TMEM87A: variants seen among roughly 807,000 people sequenced by gnomAD.
TMEM87A encodes transmembrane protein 87A.
A neutral mutation model predicts 90.0 loss-of-function variants in TMEM87A; 50 were observed. The ratio of observed to expected loss-of-function variants is 0.56; its 90% CI spans 0.44 to 0.70. TMEM87A has a LOEUF of 0.70. Ranked by LOEUF, TMEM87A falls within the 30% of genes least tolerant of loss-of-function variation. The pLI is 0.00. For missense variants in TMEM87A, 577 were observed against 660.5 expected, an observed-to-expected ratio of 0.87 and a Z score of 1.39; for synonymous variants, 226 against 226.7, an observed-to-expected ratio of 1.00 and a Z score of 0.03.
chr15:42,222,797 T>C (rs1297115587), intron 15 of TMEM87A, among the ~76,000 whole-genome samples: 3 of 151,494 alleles, frequency 2.0e-5, no homozygotes, highest in Non-Finnish European at 4.4e-5. Context: ...TGACCTCAGG[T>C]TGTCCACCCG....
chr15:42,243,996 A>C, intron 7 of TMEM87A, 54 bp downstream of exon 7: 1 of 1,087,144 alleles, frequency 9.2e-7, no homozygotes. Flanking sequence ...TGTAAAGTAC[A>C]TGAATGACAT....
At chr15:42,214,458 G>A (rs979958979) in intron 19 of TMEM87A, among the ~76,000 whole-genome samples, 6 of 152,052 alleles carry the variant, frequency 3.9e-5, no homozygotes, top group African/African-American at 7.2e-5. Context: ...AGAATTTAAC[G>A]GCACGTTGAA....
Position 42,264,139 on chromosome 15 carries a change from T to C in TMEM87A, c.356A>G (p.Gln119Arg), listed in dbSNP as rs754424657. 1 of 1,613,874 alleles carries C rather than the reference T, an allele frequency of 6.2e-7. No individual in the cohort carries two copies. Residue 119 changes from glutamine (Q) to arginine (R), a missense_variant, in exon 4 of 20, where the codon CAA (glutamine) becomes CGA (arginine). By Grantham distance (43) the Gln-to-Arg change is conservative. Coordinates refer to ENST00000389834, the MANE Select transcript of TMEM87A (RefSeq NM_015497.5). ...KEKRGLSGKY[Q>R]TSSKLFQNCS... The stretch of plus-strand genomic sequence containing the variant: ...GTTCTGGAACAATTTTGATGATGTT[T>C]GATATTTCCCAGACAAGCCTCTTTT...
chr15:42,244,146 T>C lies in TMEM87A; in HGVS notation c.526A>G (p.Thr176Ala), dbSNP rs769266253. ...DKTAMHEPLQ[T>A]WQDAPYIFIV... Reference sequence around the variant, plus strand: ...AAAATGTATGGTGCATCTTGCCAAGTTTGCAATGGTTCATGCATTGCCTAG... The same window carrying C: ...AAAATGTATGGTGCATCTTGCCAAGCTTGCAATGGTTCATGCATTGCCTAG... The change falls in exon 7 of 20, where the codon ACT becomes GCT. Residue 176 changes from threonine to alanine, a missense_variant. Thr to Ala is a moderately conservative substitution (Grantham distance 58). Coordinates refer to ENST00000389834, the MANE Select transcript of TMEM87A (RefSeq NM_015497.5). 1.3e-6 allele frequency: 2 copies of C among 1,569,088 alleles called. No individual in the cohort carries two copies. Among genetic ancestry groups the C allele is most frequent in the Admixed American group, 4.1e-5 (2 of 48,240 alleles).
chr15:42,222,123 C>T (rs553626999), intron 15 of TMEM87A, among the ~76,000 whole-genome samples: 64 of 152,006 alleles, frequency 4.2e-4, no homozygotes, highest in African/African-American at 1.4e-3. Flanking sequence ...TGCAATGGCG[C>T]GATCTCAGCT....
intron 4 of TMEM87A, chr15:42,262,057 C>T (rs1178333870): frequency 6.6e-6 from 1 of 152,226 alleles, no homozygotes; most frequent in Non-Finnish European, 1.5e-5. Flanking sequence ...CATTGTCCTT[C>T]CTGAGTAATG....
At chr15:42,235,165 A>C (rs1284463915) in intron 10 of TMEM87A, among the ~76,000 whole-genome samples, 1 of 152,070 alleles carries the variant, frequency 6.6e-6, no homozygotes, top group African/African-American at 2.4e-5. Flanking sequence ...CAGCCTTCCA[A>C]GTAGCTGGGA....
intron 4 of TMEM87A, among the ~76,000 whole-genome samples, chr15:42,263,575 T>C (rs1376571102): frequency 6.6e-6 from 1 of 152,126 alleles, no homozygotes; most frequent in Non-Finnish European, 1.5e-5. Context: ...TGAAATCCTG[T>C]CTCTACAGAA....
At chr15:42,226,727 T>A in intron 15 of TMEM87A, 79 bp downstream of exon 15, 4 of 1,227,286 alleles carry the variant, frequency 3.3e-6, no homozygotes, top group Non-Finnish European at 4.8e-6. Flanking sequence ...ACAGCCCTGA[T>A]ACTGTCCCCC....
intron 6 of TMEM87A, among the ~76,000 whole-genome samples, chr15:42,246,675 T>C (rs2050979366): frequency 1.3e-5 from 2 of 152,242 alleles, no homozygotes; most frequent in Admixed American, 1.3e-4. Context: ...TGCCACATTT[T>C]CTTAATCCAG....
rs1002349837 is a variant in TMEM87A, at chr15:42,257,577, T to C, written c.504+3381A>G. Among the ~76,000 whole-genome samples the C allele has an allele frequency of 3.3e-5, 5 of 152,350 alleles. No individual in the cohort carries two copies. The South Asian group carries it at 6.2e-4, about 19-fold the overall frequency. On this transcript the variant is annotated intron_variant, in intron 6 of 19. Transcript: ENST00000389834. ...AACAAAGACACTCACTCTCACTTTCTTGGGGCCATAAATTGCTATGAAAAA... is the reference window on the plus strand; with the variant it reads ...AACAAAGACACTCACTCTCACTTTCCTGGGGCCATAAATTGCTATGAAAAA...
chr15:42,264,699 A>ATATATATATATATATATATTT (rs10681614), intron 3 of TMEM87A, among the ~76,000 whole-genome samples: 22 of 109,432 alleles, frequency 2.0e-4, no homozygotes, highest in African/African-American at 6.8e-4. Flanking sequence ...ATATATATAT[A>ATATATATATATATATATATTT]TTTTTTTTTT....
intron 7 of TMEM87A, among the ~76,000 whole-genome samples, chr15:42,242,970 A>G (rs2050899375): frequency 6.6e-6 from 1 of 152,188 alleles, no homozygotes; most frequent in African/African-American, 2.4e-5. Context: ...TGCTTAAGAA[A>G]GCAGGGTAGG....
chr15:42,237,146 G>T (rs1171068870), intron 9 of TMEM87A, among the ~76,000 whole-genome samples: 2 of 152,032 alleles, frequency 1.3e-5, no homozygotes, highest in Non-Finnish European at 2.9e-5. Context: ...GATGTATAAT[G>T]GTGCCTTAGA....
At chr15:42,243,129 G>A (rs2050902416) in intron 7 of TMEM87A, among the ~76,000 whole-genome samples, 2 of 152,034 alleles carry the variant, frequency 1.3e-5, no homozygotes, top group Non-Finnish European at 2.9e-5. Context: ...TTAGCTGGGT[G>A]TGGTGGCGGG....
At chr15:42,256,153 C>T (rs1158817228) in intron 6 of TMEM87A, among the ~76,000 whole-genome samples, 1 of 151,602 alleles carries the variant, frequency 6.6e-6, no homozygotes, top group African/African-American at 2.4e-5. Flanking sequence ...ATCCTTTTTG[C>T]TTTTTGAGAC....
intron 2 of TMEM87A, among the ~76,000 whole-genome samples, chr15:42,271,367 TA>T (rs1226671251): frequency 1.3e-5 from 2 of 151,704 alleles, no homozygotes; most frequent in Non-Finnish European, 2.9e-5. Flanking sequence ...CACACAAGAG[TA>T]AAACCTCTTT....
chr15:42,232,631 G>A (rs940630203), intron 11 of TMEM87A, among the ~76,000 whole-genome samples: 17 of 151,366 alleles, frequency 1.1e-4, no homozygotes, highest in Non-Finnish European at 2.2e-4. Context: ...CTGCCACCAC[G>A]CCCAGCTAAT....
Position 42,261,132 on chromosome 15 carries a change from G to T in TMEM87A, c.459+64C>A, listed in dbSNP as rs529527501. ...CCCTCCTTAGAGATGCAGTGAGCACGGGTATCTCCTGCACCACCAAAGTTT... is the reference window on the plus strand; with the variant it reads ...CCCTCCTTAGAGATGCAGTGAGCACTGGTATCTCCTGCACCACCAAAGTTT... On this transcript the variant is annotated intron_variant, in intron 5 of 19. Transcript: ENST00000389834. The T allele has an allele frequency of 7.0e-6, 11 of 1,561,094 alleles. No homozygotes were observed. In the South Asian group the frequency reaches 8.0e-5, roughly 11 times the overall value.
Sources: allele counts gnomAD v4.1 joint callset (sites outside exome capture counted in the v4.1 genomes callset), GRCh38; gene constraint gnomAD v4.1.1; transcripts MANE v1.5; gene names NCBI Gene and HGNC (gene_info 2026-07-23, HGNC 2026-07-21).